Variants in STARD13 observed in about 807,000 individuals in gnomAD.
STARD13 encodes stAR-related lipid transfer protein 13.
In STARD13, 62 loss-of-function variants were observed where a neutral mutation model predicts 106.4. The ratio of observed to expected loss-of-function variants is 0.58; its 90% CI spans 0.48 to 0.72. STARD13 has a LOEUF of 0.72. Among genes scored for constraint, STARD13 ranks in the 30% least tolerant of loss-of-function variants. STARD13 has a pLI of 0.00. For missense variants in STARD13, 1,387 were observed against 1,424.0 expected (o/e 0.97, Z 0.42); for synonymous variants, 565 against 553.0 (o/e 1.02, Z -0.31).
chr13:33,623,428 TAAAAAAAA>T, the STARD13 span, among the ~76,000 whole-genome samples: 6 of 59,364 alleles, frequency 1.0e-4, no homozygotes, highest in African/African-American at 1.8e-4. Flanking sequence ...CTCAATAAAG[TAAAAAAAA>T]AAAAAAAAAA....
At chr13:33,559,016 A>C in the STARD13 span, among the ~76,000 whole-genome samples, 1 of 151,626 alleles carries the variant, frequency 6.6e-6, no homozygotes, top group African/African-American at 2.4e-5. Context: ...TCATGTTTTT[A>C]GGCATATGAT....
At chr13:33,446,476 T>C in the STARD13 span, among the ~76,000 whole-genome samples, 2 of 152,100 alleles carry the variant, frequency 1.3e-5, no homozygotes, top group Non-Finnish European at 2.9e-5. Flanking sequence ...GTTTTAAATA[T>C]ACTTTTTATT....
chr13:33,384,104 C>T, the STARD13 span, among the ~76,000 whole-genome samples: 1 of 152,252 alleles, frequency 6.6e-6, no homozygotes, highest in East Asian at 1.9e-4. Context: ...GTTGGCTAGC[C>T]CAGCTCTACA....
At chr13:33,460,013 T>G in the STARD13 span, among the ~76,000 whole-genome samples, 3 of 152,340 alleles carry the variant, frequency 2.0e-5, no homozygotes, top group South Asian at 6.2e-4. Context: ...TCCTTTATAA[T>G]GTGCTTCTTA....
chr13:33,675,195 A>T, the STARD13 span, among the ~76,000 whole-genome samples: 1 of 152,162 alleles, frequency 6.6e-6, no homozygotes, highest in Admixed American at 6.5e-5. Context: ...AGACCCCCAC[A>T]ATGTTTATGG....
the STARD13 span, among the ~76,000 whole-genome samples, chr13:33,490,472 G>A: frequency 6.6e-6 from 1 of 152,174 alleles, no homozygotes; most frequent in African/African-American, 2.4e-5. Context: ...CAAGCAGACC[G>A]ACAGTGGAAC....
intron 5 of STARD13, among the ~76,000 whole-genome samples, 160 bp from the exon 6 acceptor site, chr13:33,127,706 T>A (rs541810739): frequency 2.0e-5 from 3 of 152,200 alleles, no homozygotes; most frequent in Non-Finnish European, 2.9e-5. Flanking sequence ...AGAATAAACA[T>A]AGGACATGAT....
At chr13:33,628,825 T>C in the STARD13 span, among the ~76,000 whole-genome samples, 1 of 152,194 alleles carries the variant, frequency 6.6e-6, no homozygotes, top group Admixed American at 6.5e-5. Context: ...TGCCTTTTGA[T>C]CTTAGGAAAG....
At chr13:33,604,761 T>C in the STARD13 span, among the ~76,000 whole-genome samples, 7,354 of 150,950 alleles carry the variant, frequency 0.049, 607 homozygotes, top group African/African-American at 0.17. Context: ...ATTGGGCCAC[T>C]GCACTCCAGC....
chr13:33,169,064 G>C (rs1383070840), intron 1 of STARD13, among the ~76,000 whole-genome samples: 1 of 152,114 alleles, frequency 6.6e-6, no homozygotes, highest in Non-Finnish European at 1.5e-5. Flanking sequence ...TTGTGTGAGG[G>C]TTTTCCACTT....
chr13:33,393,042 G>A, the STARD13 span, among the ~76,000 whole-genome samples: 3 of 152,202 alleles, frequency 2.0e-5, no homozygotes, highest in African/African-American at 4.8e-5. Context: ...AAGATCAACT[G>A]AAACAAAGAC....
intron 1 of STARD13, among the ~76,000 whole-genome samples, chr13:33,181,003 A>G (rs933905660): frequency 3.3e-5 from 5 of 152,158 alleles, no homozygotes; most frequent in African/African-American, 4.8e-5. Flanking sequence ...GTTTTTAGAT[A>G]TAATTGAGAG....
chr13:33,279,979 A>C (rs866257757), intron 1 of STARD13: 28 of 152,302 alleles, frequency 1.8e-4, no homozygotes, highest in African/African-American at 6.0e-4. Context: ...CTTAAAAAAA[A>C]AAACAAACAG....
chr13:33,616,146 A>AAG, the STARD13 span, among the ~76,000 whole-genome samples: 60 of 150,272 alleles, frequency 4.0e-4, 1 homozygote, highest in African/African-American at 1.3e-3. Flanking sequence ...GACAGGGAAA[A>AAG]AGAGAGAGAG....
chr13:33,634,831 G>A, the STARD13 span, among the ~76,000 whole-genome samples: 1 of 152,156 alleles, frequency 6.6e-6, no homozygotes, highest in Non-Finnish European at 1.5e-5. Flanking sequence ...GTGTCGCTGC[G>A]AATGAAGGGT....
intron 1 of STARD13, among the ~76,000 whole-genome samples, chr13:33,182,518 G>A (rs1417954581): frequency 3.3e-5 from 5 of 151,914 alleles, no homozygotes; most frequent in African/African-American, 4.8e-5. Context: ...TGGCTTCCCC[G>A]GACCACATTG....
At chr13:33,230,876 G>T (rs1888884702) in intron 1 of STARD13, among the ~76,000 whole-genome samples, 1 of 152,238 alleles carries the variant, frequency 6.6e-6, no homozygotes, top group Non-Finnish European at 1.5e-5. Flanking sequence ...TAAGAACCTG[G>T]TGAAGGAAGC....
intron 1 of STARD13, among the ~76,000 whole-genome samples, chr13:33,177,370 A>C (rs187209903): frequency 6.5e-4 from 99 of 152,360 alleles, no homozygotes; most frequent in Non-Finnish European, 1.2e-3. Context: ...AAATGTACGA[A>C]TAGAAGGAAA....
chr13:33,448,136 C>T, the STARD13 span, among the ~76,000 whole-genome samples: 14 of 152,196 alleles, frequency 9.2e-5, no homozygotes, highest in South Asian at 2.7e-3. Flanking sequence ...GTGTTATGAG[C>T]AAATCAGATT....
Sources: gnomAD v4.1 joint callset for allele counts (sites outside exome capture counted in the v4.1 genomes callset) on GRCh38, gnomAD v4.1.1 for gene constraint, MANE v1.5 for transcripts, NCBI Gene and HGNC (gene_info 2026-07-23, HGNC 2026-07-21) for gene names.